GLI3: variants seen among roughly 807,000 people sequenced by gnomAD.
The protein encoded by GLI3 is GLI family zinc finger 3, also known as transcription activator GLI3.
Under a neutral mutation model 100.8 loss-of-function variants are expected in GLI3, and 20 were observed. That is an observed-to-expected ratio of 0.20 (90% CI 0.14 to 0.29). GLI3 has a LOEUF of 0.29. Among genes scored for constraint, GLI3 ranks in the 10% least tolerant of loss-of-function variants. The probability of loss-of-function intolerance (pLI) is 1.00; values close to 1 mark genes in which losing one functional copy is unlikely to be tolerated. For synonymous variants in GLI3, 938 were observed against 860.5 expected (o/e 1.09, Z -1.58); for missense variants, 2,040 against 2,128.5 (o/e 0.96, Z 0.82).
intron 3 of GLI3, among the ~76,000 whole-genome samples, chr7:42,114,485 G>A (rs906946952): frequency 1.3e-5 from 2 of 152,116 alleles, no homozygotes; most frequent in Non-Finnish European, 2.9e-5. Flanking sequence ...TAGCAGGTGT[G>A]TGTGAAGGAT....
rs186009475 is a variant in GLI3 at position 42,008,060 on chromosome 7, C to A, written c.1497+15408G>T. On this transcript the variant is annotated intron_variant, in intron 10 of 14. Transcript: ENST00000395925. ...CATGTAACTGGCTTGCAAGAAACTT[C>A]TGCGGTATAAAGAATTTCACTCAGG... Among the ~76,000 whole-genome samples the A allele has an allele frequency of 4.4e-3, 674 of 152,320 alleles. 6 individuals are homozygous for A. In the Middle Eastern group the frequency reaches 0.065, roughly 15 times the overall value.
intron 10 of GLI3, among the ~76,000 whole-genome samples, chr7:41,988,333 G>A (rs1787887032): frequency 6.6e-6 from 1 of 152,030 alleles, no homozygotes; most frequent in Non-Finnish European, 1.5e-5. Flanking sequence ...CATTGTAGCA[G>A]GTGCCTGTAA....
intron 12 of GLI3, among the ~76,000 whole-genome samples, chr7:41,975,881 A>C (rs4724085): frequency 0.32 from 48,606 of 152,154 alleles, 9,051 homozygotes; most frequent in East Asian, 0.81. Flanking sequence ...ATTACACTTA[A>C]ATCTATGAAA....
At chr7:42,114,970 G>A (rs1193244323) in intron 3 of GLI3, among the ~76,000 whole-genome samples, 1 of 151,850 alleles carries the variant, frequency 6.6e-6, no homozygotes, top group Non-Finnish European at 1.5e-5. Context: ...CCAAAATATT[G>A]AGCTTACAGG....
intron 10 of GLI3, among the ~76,000 whole-genome samples, chr7:41,984,275 T>G (rs1562669797): frequency 6.6e-6 from 1 of 152,156 alleles, no homozygotes. Flanking sequence ...GAGCAGGCAG[T>G]TTTCCCTTGG....
chr7:42,211,710 T>C (rs1788277581), intron 2 of GLI3, among the ~76,000 whole-genome samples: 1 of 152,208 alleles, frequency 6.6e-6, no homozygotes, highest in African/African-American at 2.4e-5. Flanking sequence ...CGACATTAAC[T>C]AAGCCTAGTA....
chr7:42,050,288 C>T (rs1486994191), intron 4 of GLI3, among the ~76,000 whole-genome samples: 1 of 152,140 alleles, frequency 6.6e-6, no homozygotes, highest in Non-Finnish European at 1.5e-5. Context: ...AAATCACCAC[C>T]AGCAAATAGC....
Position 41,965,399 on chromosome 7 carries a change from C to A in GLI3, c.3674G>T (p.Gly1225Val). 1 of 1,610,928 alleles carries A rather than the reference C, an allele frequency of 6.2e-7. No individual in the cohort carries two copies. ...TLGENSNPYG[G>V]PEHLMLHNSP... ...GTTGTGGAGCATCAAGTGCTCTGGG[C>A]CACCGTAGGGGTTGCTGTTCTCCCC... The change falls in exon 15 of 15, where the codon GGC becomes GTC. Residue 1225 changes from glycine to valine, a missense_variant. Physicochemically the swap from Gly to Val is moderately radical, Grantham distance 109. Transcript: ENST00000395925.
chr7:41,965,290 C>T lies in GLI3; in HGVS notation c.3783G>A (p.Gln1261=). 6.2e-7 allele frequency: 1 copy of T among 1,613,794 alleles called. No individual in the cohort carries two copies. Residue 1261 remains glutamine, a synonymous_variant, in exon 15 of 15, where the codon CAG becomes CAA. Coordinates refer to ENST00000395925, the MANE Select transcript of GLI3 (RefSeq NM_000168.6). Reference sequence around the variant, plus strand: ...CGTCGAGTGCACCAGGGGCCACTGGCTGCCTGTTGAGACAGTTCCCATACT... The same window carrying T: ...CGTCGAGTGCACCAGGGGCCACTGGTTGCCTGTTGAGACAGTTCCCATACT... ...APQYGNCLNR[Q]PVAPGALDGA... is the part of the protein sequence containing the mutation.
chr7:42,234,585 A>G (rs540928588), intron 1 of GLI3, among the ~76,000 whole-genome samples: 60 of 152,330 alleles, frequency 3.9e-4, no homozygotes, highest in Admixed American at 3.0e-3. Context: ...AAATGTGTTT[A>G]TATCAAGGTT....
intron 1 of GLI3, among the ~76,000 whole-genome samples, chr7:42,230,975 A>G (rs146501839): frequency 3.3e-4 from 50 of 152,286 alleles, no homozygotes; most frequent in South Asian, 8.3e-4. Flanking sequence ...CAAAAATATC[A>G]TGACTGATCA....
At chr7:42,152,294 C>T in intron 2 of GLI3, 1 of 581,910 alleles carries the variant, frequency 1.7e-6, no homozygotes, top group Non-Finnish European at 2.2e-6. Flanking sequence ...ATACCCACTA[C>T]TCCTCTCTTG....
In GLI3 at chr7:42,127,998, G is replaced by A. The variant is rs568036088; in HGVS notation, c.367+20228C>T. 2.7e-3 allele frequency among the ~76,000 whole-genome samples: 370 copies of A among 136,732 alleles called. 2 individuals carry two copies. The highest frequency in any genetic ancestry group is 9.5e-3 in the African/African-American group (354 of 37,274). 89.7% of individuals were successfully genotyped at this position (136,732 alleles called of 152,430 possible). On this transcript the variant is annotated intron_variant, in intron 3 of 14. Transcript: ENST00000395925. Reference sequence around the variant, plus strand: ...CGAGCCACCACACTCCAGCCTGGGCGACAGAGCAAGACCCTGACTCAAAAA... The same window carrying A: ...CGAGCCACCACACTCCAGCCTGGGCAACAGAGCAAGACCCTGACTCAAAAA...
At chr7:42,089,485 A>T (rs2128756111) in intron 3 of GLI3, among the ~76,000 whole-genome samples, 1 of 152,324 alleles carries the variant, frequency 6.6e-6, no homozygotes, top group African/African-American at 2.4e-5. Flanking sequence ...ACTTGTACAG[A>T]ATTTATCACC....
chr7:42,247,180 T>C (rs1036568811), intron 1 of GLI3, among the ~76,000 whole-genome samples: 1 of 152,212 alleles, frequency 6.6e-6, no homozygotes, highest in African/African-American at 2.4e-5. Context: ...TCAATATTTT[T>C]ATTATCGATT....
intron 1 of GLI3, among the ~76,000 whole-genome samples, chr7:42,245,830 T>A: frequency 6.6e-6 from 1 of 151,412 alleles, no homozygotes; most frequent in South Asian, 2.1e-4. Context: ...CTTAGAGTAG[T>A]TCCAGGATAG....
intron 2 of GLI3, among the ~76,000 whole-genome samples, chr7:42,194,759 C>CTTTTTCTTTTTTT (rs1787894212): frequency 9.2e-6 from 1 of 108,984 alleles, no homozygotes; most frequent in African/African-American, 4.0e-5. Flanking sequence ...CTCTCTGTCT[C>CTTTTTCTTTTTTT]TTTTTTTTTT....
chr7:42,128,020 A>C (rs1377785491), intron 3 of GLI3, among the ~76,000 whole-genome samples: 5 of 147,304 alleles, frequency 3.4e-5, no homozygotes, highest in African/African-American at 1.2e-4. Flanking sequence ...CCCTGACTCA[A>C]AAAAAAAAAA....
chr7:42,043,300 T>C (rs892726618), intron 6 of GLI3, among the ~76,000 whole-genome samples: 3 of 152,234 alleles, frequency 2.0e-5, no homozygotes, highest in Non-Finnish European at 2.9e-5. Flanking sequence ...TATAGTGCCT[T>C]AAGAACTTTC....
Sources: allele counts gnomAD v4.1 joint callset (sites outside exome capture counted in the v4.1 genomes callset), GRCh38; gene constraint gnomAD v4.1.1; transcripts MANE v1.5; gene names NCBI Gene and HGNC (gene_info 2026-07-23, HGNC 2026-07-21).